RPTOR: variants seen among roughly 807,000 people sequenced by gnomAD.
RPTOR encodes the protein regulatory associated protein of MTOR complex 1.
RPTOR carries 21 observed loss-of-function variants against 169.9 expected under a neutral mutation model. The observed-to-expected ratio is 0.12, with a 90% CI of 0.09 to 0.18. The LOEUF (loss-of-function observed/expected upper bound fraction) is 0.18. Ranked by LOEUF, RPTOR falls within the 10% of genes least tolerant of loss-of-function variation. RPTOR has a pLI of 1.00. For synonymous variants in RPTOR, 732 were observed against 753.2 expected (o/e 0.97, Z 0.46); for missense variants, 1,133 against 1,855.9 (o/e 0.61, Z 7.16).
intron 6 of RPTOR, among the ~76,000 whole-genome samples, chr17:80,760,199 T>C (rs1207964384): frequency 6.6e-6 from 1 of 152,054 alleles, no homozygotes. Context: ...GTTAGGCTTT[T>C]CGGGCCACAC....
At chr17:80,796,150 G>A (rs1264552859) in intron 7 of RPTOR, among the ~76,000 whole-genome samples, 5 of 152,220 alleles carry the variant, frequency 3.3e-5, no homozygotes, top group Non-Finnish European at 7.3e-5. Context: ...GACACTGCCT[G>A]AGACTGGGTG....
rs1166455268 is a variant in RPTOR at position 80,860,493 on chromosome 17, TCTG to T, written c.1509+2596_1509+2598del. Among the ~76,000 whole-genome samples the T allele has an allele frequency of 6.6e-6, 1 of 152,124 alleles. No individual in the cohort carries two copies. The highest frequency in any genetic ancestry group is 1.5e-5 in the Non-Finnish European group (1 of 68,008). On this transcript the variant is annotated intron_variant, in intron 13 of 33. Coordinates refer to ENST00000306801, the MANE Select transcript of RPTOR (RefSeq NM_020761.3). The surrounding 1 kb of genome is among the most constrained non-coding windows in gnomAD (Gnocchi z 5.8). ...GACCCCTGGGCCCCTGCTCAGCCCT[TCTG>T]CTCCCTGCACCCAGCCCTGACCATA...
chr17:80,898,203 C>G (rs2068430187), intron 20 of RPTOR, among the ~76,000 whole-genome samples: 1 of 152,202 alleles, frequency 6.6e-6, no homozygotes, highest in African/African-American at 2.4e-5. Context: ...TTATTCATTT[C>G]AGCTAAGTAT....
At position 80,785,695 on chromosome 17, in the gene RPTOR, C is replaced by T. The variant is rs189558190; in HGVS notation, c.831-5755C>T. On this transcript the variant is annotated intron_variant, in intron 6 of 33. Transcript: ENST00000306801. ...CGAGTGCTTTCCCCCGGCCCCTTGACTCTGACTGAGTTGGGTATGACAAGA... is the reference window on the plus strand; with the variant it reads ...CGAGTGCTTTCCCCCGGCCCCTTGATTCTGACTGAGTTGGGTATGACAAGA... Among the ~76,000 whole-genome samples, 271 of 149,700 alleles carry T rather than the reference C, an allele frequency of 1.8e-3. 2 individuals are homozygous for T. The highest frequency in any genetic ancestry group is 6.6e-3 in the African/African-American group (258 of 38,976).
At chr17:80,583,537 C>CTCCCT (rs1400670350) in intron 1 of RPTOR, among the ~76,000 whole-genome samples, 16 of 151,970 alleles carry the variant, frequency 1.1e-4, no homozygotes, top group Admixed American at 9.8e-4. Flanking sequence ...ACCTTGTGAG[C>CTCCCT]TGGTGGAGGC....
chr17:80,790,202 C>T (rs919748041), intron 6 of RPTOR, among the ~76,000 whole-genome samples: 15 of 152,146 alleles, frequency 9.9e-5, no homozygotes, highest in African/African-American at 2.7e-4. Flanking sequence ...CACTTGATGC[C>T]GTGGGAAAGG....
chr17:80,608,853 G>A (rs35639873), intron 1 of RPTOR, among the ~76,000 whole-genome samples: 65 of 152,330 alleles, frequency 4.3e-4, no homozygotes, highest in Admixed American at 7.2e-4. Flanking sequence ...TCTGCGCGTG[G>A]TTCAGATGGA....
chr17:80,855,161 G>C (rs2067838809), intron 11 of RPTOR, among the ~76,000 whole-genome samples: 1 of 152,242 alleles, frequency 6.6e-6, no homozygotes, highest in Non-Finnish European at 1.5e-5. Context: ...AACAATGTCT[G>C]AGTTCATATA....
At chr17:80,880,725 G>A (rs115044751) in intron 14 of RPTOR, among the ~76,000 whole-genome samples, 4 of 152,300 alleles carry the variant, frequency 2.6e-5, no homozygotes, top group African/African-American at 4.8e-5. Context: ...CAGTTAACCC[G>A]GACACATGGG....
At chr17:80,890,351 T>G (rs1202421801) in intron 17 of RPTOR, among the ~76,000 whole-genome samples, 1 of 152,154 alleles carries the variant, frequency 6.6e-6, no homozygotes, top group Non-Finnish European at 1.5e-5. Flanking sequence ...GGGTGTTCGC[T>G]TTGTCGGAGG....
At chr17:80,894,792 A>T (rs1387196979) in intron 20 of RPTOR, among the ~76,000 whole-genome samples, 1 of 151,988 alleles carries the variant, frequency 6.6e-6, no homozygotes, top group East Asian at 1.9e-4. Flanking sequence ...TTGTGTTCCC[A>T]GCTTAAGGAA....
intron 7 of RPTOR, among the ~76,000 whole-genome samples, chr17:80,796,674 TCA>T (rs1445138981): frequency 6.6e-6 from 1 of 152,228 alleles, no homozygotes; most frequent in Non-Finnish European, 1.5e-5. Context: ...TGTAGCCACC[TCA>T]GTCTTTATTG....
intron 1 of RPTOR, among the ~76,000 whole-genome samples, chr17:80,577,818 A>G (rs185906224): frequency 2.0e-5 from 3 of 152,344 alleles, no homozygotes; most frequent in Admixed American, 2.0e-4. Context: ...TGAATAGCCA[A>G]GATGCAGAAT....
Position 80,918,444 on chromosome 17 carries a change from GA to G in RPTOR, c.2521-4279del, listed in dbSNP as rs1567986022. Among the ~76,000 whole-genome samples, 140 of 124,680 alleles carry G rather than the reference GA, an allele frequency of 1.1e-3. 2 individuals carry two copies. Among genetic ancestry groups the G allele is most frequent in the African/African-American group, 4.2e-3 (133 of 31,416 alleles). The allele number at this position is 124,680 out of a possible 152,430, so 81.8% of individuals were successfully genotyped here. A position where few individuals can be genotyped will look rare whatever the true frequency, so the allele number is the denominator to read the frequency against. The stretch of plus-strand genomic sequence containing the variant: ...GTCATAGCCACGAGCACCCTCGCCG[GA>G]GTCATAGCCACGAGCACCCTCGCCG... On this transcript the variant is annotated intron_variant, in intron 21 of 33. Transcript: ENST00000306801.
At chr17:80,716,584 C>CT (rs1056073256) in intron 4 of RPTOR, among the ~76,000 whole-genome samples, 2 of 152,094 alleles carry the variant, frequency 1.3e-5, no homozygotes, top group African/African-American at 4.8e-5. Flanking sequence ...TAAGTCCCAG[C>CT]TATTTATCTT....
At chr17:80,876,664 T>C (rs1384339870) in intron 13 of RPTOR, among the ~76,000 whole-genome samples, 3 of 103,266 alleles carry the variant, frequency 2.9e-5, no homozygotes, top group African/African-American at 1.2e-4. Flanking sequence ...CCACGCAGGG[T>C]GTGTGTGTCG....
In RPTOR at chr17:80,961,487, A is replaced by G; in HGVS notation, c.3692+7A>G. 6.5e-7 allele frequency: 1 copy of G among 1,548,738 alleles called. No homozygotes were observed. The highest frequency in any genetic ancestry group is 2.4e-5 in the East Asian group (1 of 40,894). On this transcript the variant is annotated splice_region_variant and intron_variant, in intron 31 of 33. Transcript: ENST00000306801. Reference sequence around the variant, plus strand: ...GCCACATCGTGAGTGTGAGGTGAGGAGCGCCGATATTTAGCAGCCGTTCTG... The same window carrying G: ...GCCACATCGTGAGTGTGAGGTGAGGGGCGCCGATATTTAGCAGCCGTTCTG...
At chr17:80,737,176 G>T (rs1438397693) in intron 5 of RPTOR, among the ~76,000 whole-genome samples, 1 of 152,160 alleles carries the variant, frequency 6.6e-6, no homozygotes, top group Non-Finnish European at 1.5e-5. Context: ...GGTATGTGGT[G>T]ATTTTATTGT....
At chr17:80,808,525 C>T (rs545792093) in intron 7 of RPTOR, among the ~76,000 whole-genome samples, 2 of 152,322 alleles carry the variant, frequency 1.3e-5, no homozygotes, top group East Asian at 1.9e-4. Context: ...TTTGTTTTCA[C>T]GTTTTCAAAT....
Sources: allele counts gnomAD v4.1 joint callset (sites outside exome capture counted in the v4.1 genomes callset), GRCh38; gene constraint gnomAD v4.1.1; non-coding constraint Gnocchi (gnomAD v3.1); transcripts MANE v1.5; gene names NCBI Gene and HGNC (gene_info 2026-07-23, HGNC 2026-07-21).